Variants in MMP3 observed in about 807,000 individuals in gnomAD.
MMP3 encodes the protein stromelysin-1.
Under a neutral mutation model 47.3 loss-of-function variants are expected in MMP3, and 46 were observed. That is an observed-to-expected ratio of 0.97 (90% CI 0.77 to 1.24). MMP3 has a LOEUF of 1.24. Ranked by LOEUF, MMP3 falls within the 50% of genes most tolerant of loss-of-function variation. The probability of loss-of-function intolerance (pLI) is 0.00; values close to 1 mark genes in which losing one functional copy is unlikely to be tolerated. For missense variants in MMP3, 558 were observed against 565.5 expected, an observed-to-expected ratio of 0.99 and a Z score of 0.13; for synonymous variants, 216 against 206.5, an observed-to-expected ratio of 1.05 and a Z score of -0.39.
Position 102,839,262 on chromosome 11 carries a change from G to T in MMP3, c.936-19C>A, listed in dbSNP as rs368292300. The T allele has an allele frequency of 6.2e-7, 1 of 1,612,656 alleles. No homozygotes were observed. Among genetic ancestry groups the T allele is most frequent in the East Asian group, 2.2e-5 (1 of 44,854 alleles). ...AAAGTGCCTAAAATATATGTAAAAA[G>T]AAATGTAAATTGAAAAACAATCTTT... On this transcript the variant is annotated intron_variant, in intron 6 of 9. Transcript: ENST00000299855.
At position 102,836,145 on chromosome 11, in the gene MMP3, T is replaced by A; in HGVS notation, c.1415A>T (p.Asn472Ile). The change falls in exon 10 of 10, where the codon AAC becomes ATC. Residue 472 changes from asparagine to isoleucine, a missense_variant. Coordinates refer to ENST00000299855, the MANE Select transcript of MMP3 (RefSeq NM_002422.5). The surrounding 1 kb of genome is among the most constrained non-coding windows in gnomAD (Gnocchi z 4.6). ...AKKVTHTLKSNSWLNC is the reference protein window; with the variant it reads ...AKKVTHTLKSISWLNC ...TCTCTTTCAACAATTAAGCCAGCTG[T>A]TACTCTTCAAAGTGTGTGTCACTTT... 6.2e-7 allele frequency: 1 copy of A among 1,613,826 alleles called. No individual in the cohort carries two copies. Among genetic ancestry groups the A allele is most frequent in the Non-Finnish European group, 8.5e-7 (1 of 1,179,722 alleles).
intron 6 of MMP3, 29 bp from the exon 7 acceptor site, chr11:102,839,272 T>G (rs1858949155): frequency 6.2e-7 from 1 of 1,612,006 alleles, no homozygotes. Flanking sequence ...GAAATGTAAA[T>G]TGAAAAACAA....
At chr11:102,838,457 A>G (rs2134398121) in intron 8 of MMP3, 94 bp downstream of exon 8, 7 of 1,325,464 alleles carry the variant, frequency 5.3e-6, no homozygotes, top group Non-Finnish European at 7.3e-6. Flanking sequence ...CTAAGAGAGA[A>G]GCAGGCCTAA....
At chr11:102,842,616 C>T (rs1555005727) in intron 2 of MMP3, 37 bp from the exon 3 acceptor site, 8 of 1,613,328 alleles carry the variant, frequency 5.0e-6, no homozygotes, top group Non-Finnish European at 6.8e-6. Flanking sequence ...CTATTTTCTC[C>T]TATGATATAG....
chr11:102,840,420 G>A lies in MMP3; in HGVS notation c.790+9C>T. The A allele has an allele frequency of 6.2e-7, 1 of 1,611,462 alleles. No individual in the cohort carries two copies. The highest frequency in any genetic ancestry group is 8.5e-7 in the Non-Finnish European group (1 of 1,179,280). On this transcript the variant is annotated intron_variant, in intron 5 of 9. Transcript: ENST00000299855. Reference sequence around the variant, plus strand: ...AACTACAATGGCTGATTTTCCCAGTGTCACTCACCATAGAGGGACTGAATG... The same window carrying A: ...AACTACAATGGCTGATTTTCCCAGTATCACTCACCATAGAGGGACTGAATG...
In MMP3 at chr11:102,840,164, A is replaced by G. The variant is rs782068386; in HGVS notation, c.879T>C (p.Ala293=). The change falls in exon 6 of 10, where the codon GCT becomes GCC. Residue 293 remains alanine (A), a synonymous_variant. Coordinates refer to ENST00000299855, the MANE Select transcript of MMP3 (RefSeq NM_002422.5). ...GAGTGCTGACAGCATCAAAGGACAA[A>G]GCAGGATCACAGTTGGCTGGCGTCC... ...EPGTPANCDP[A]LSFDAVSTLR... The G allele has an allele frequency of 1.2e-6, 2 of 1,614,106 alleles. No homozygotes were observed. Among genetic ancestry groups the G allele is most frequent in the Non-Finnish European group, 1.7e-6 (2 of 1,179,996 alleles).
intron 4 of MMP3, among the ~76,000 whole-genome samples, 195 bp from the exon 5 acceptor site, chr11:102,840,788 T>C (rs1858983825): frequency 6.6e-6 from 1 of 152,178 alleles, no homozygotes; most frequent in African/African-American, 2.4e-5. Flanking sequence ...CTCATACCTG[T>C]AATCAATCTT....
rs1555005238 is a variant in MMP3, at chr11:102,840,253, C to T, written c.791-1G>A. The stretch of plus-strand genomic sequence containing the variant: ...GTCTCAGGGGAGTCAGGGGGAGGTC[C>T]TAAAGGGAACATTAGGGGAAATGTG... On this transcript the variant is annotated splice_acceptor_variant, in intron 5 of 9. Transcript: ENST00000299855. LOFTEE classifies it high-confidence loss of function. 1.2e-6 allele frequency: 2 copies of T among 1,612,158 alleles called. No homozygotes were observed. Among genetic ancestry groups the T allele is most frequent in the Middle Eastern group, 1.7e-4 (1 of 6,040 alleles).
chr11:102,835,963 T>C lies in MMP3; in HGVS notation c.*163A>G. The C allele has an allele frequency of 1.7e-6, 1 of 593,244 alleles. No homozygotes were observed. Among genetic ancestry groups the C allele is most frequent in the South Asian group, 2.3e-5 (1 of 44,232 alleles). 36.7% of individuals were successfully genotyped at this position (593,244 alleles called of 1,614,324 possible). A position where few individuals can be genotyped will look rare whatever the true frequency, so the allele number is the denominator to read the frequency against. ...CCCATTTGAATGCCCTGTAATAACATAAAAATGACCGGCAAGATACAGATT... is the reference window on the plus strand; with the variant it reads ...CCCATTTGAATGCCCTGTAATAACACAAAAATGACCGGCAAGATACAGATT... On this transcript the variant is annotated 3_prime_UTR_variant, in exon 10 of 10. Coordinates refer to ENST00000299855, the MANE Select transcript of MMP3 (RefSeq NM_002422.5).
rs782598544 is a variant in MMP3, at chr11:102,839,215, G to C, written c.964C>G (p.Leu322Val). 6.2e-7 allele frequency: 1 copy of C among 1,613,948 alleles called. No homozygotes were observed. Among genetic ancestry groups the C allele is most frequent in the African/African-American group, 1.3e-5 (1 of 74,936 alleles). Reference sequence around the variant, plus strand: ...GAGATCAAATGCAATTCAGGTTCAAGCTTCCTGAGGGATTTGCGCCAAAAG... The same window carrying C: ...GAGATCAAATGCAATTCAGGTTCAACCTTCCTGAGGGATTTGCGCCAAAAG... Reference protein sequence around the residue: ...RHFWRKSLRKLEPELHLISSF... With the variant: ...RHFWRKSLRKVEPELHLISSF... Residue 322 changes from leucine (L) to valine (V), a missense_variant, in exon 7 of 10, where the codon CTT (leucine) becomes GTT (valine). Leu to Val is a conservative substitution (Grantham distance 32, BLOSUM62 1). Coordinates refer to ENST00000299855, the MANE Select transcript of MMP3 (RefSeq NM_002422.5).
rs781922179 is a variant in MMP3, at chr11:102,837,442, C to T, written c.1230-41G>A. 3.5e-5 allele frequency: 49 copies of T among 1,408,178 alleles called. No homozygotes were observed. Among genetic ancestry groups the T allele is most frequent in the Non-Finnish European group, 4.2e-5 (42 of 1,000,508 alleles). 87.2% of individuals were successfully genotyped at this position (1,408,178 alleles called of 1,614,324 possible). On this transcript the variant is annotated intron_variant, in intron 8 of 9. Transcript: ENST00000299855. The surrounding 1 kb of genome is among the most constrained non-coding windows in gnomAD (Gnocchi z 4.4). ...GAAACAGCTCAGCATTGCATAGAGG[C>T]CATGTTACCGAACATCTTAGATCAT...
At chr11:102,841,401 A>G (rs896505054) in intron 4 of MMP3, among the ~76,000 whole-genome samples, 2 of 152,210 alleles carry the variant, frequency 1.3e-5, no homozygotes, top group African/African-American at 4.8e-5. Context: ...AACTCAACCA[A>G]TCAAGAATTC....
rs202214888 is a variant in MMP3, at chr11:102,838,508, C to T, written c.1229+43G>A. On this transcript the variant is annotated intron_variant, in intron 8 of 9. Transcript: ENST00000299855. ...TTTCCTTAGTAAAAGAAACTAATTT[C>T]CCTAATTAGGCTCCATACAAAGTCA... 1.3e-3 allele frequency: 2,048 copies of T among 1,578,844 alleles called. 6 individuals are homozygous for T. Among genetic ancestry groups the T allele is most frequent in the Non-Finnish European group, 1.5e-3 (1,720 of 1,163,100 alleles).
rs782449038 is a variant in MMP3, at chr11:102,842,254, A to G, written c.525T>C (p.Asp175=). Residue 175 remains aspartate (D), a synonymous_variant, in exon 4 of 10, where the codon GAT becomes GAC. Transcript: ENST00000299855. ...CATGGGCCAAAACATTTCCAGGTCC[A>G]TCAAAAGGGTAAAAGTCTCCATGTT... is the stretch of plus-strand genomic sequence containing the variant. The part of the protein sequence containing the change: ...VREHGDFYPF[D]GPGNVLAHAY... 3.1e-6 allele frequency: 5 copies of G among 1,607,348 alleles called. No individual in the cohort carries two copies. Among genetic ancestry groups the G allele is most frequent in the African/African-American group, 1.3e-5 (1 of 74,366 alleles).
Position 102,837,244 on chromosome 11 carries a change from A to T in MMP3, c.1333+54T>A. The T allele has an allele frequency of 1.5e-6, 2 of 1,353,874 alleles. No homozygotes were observed. Among genetic ancestry groups the T allele is most frequent in the East Asian group, 4.6e-5 (2 of 43,596 alleles). 83.9% of individuals were successfully genotyped at this position (1,353,874 alleles called of 1,614,324 possible). ...AGTTTCAATGCTCCTCTTCCCTCTG[A>T]TATCATAAAATGTTTCAAGTGCTCT... is the stretch of plus-strand genomic sequence containing the variant. On this transcript the variant is annotated intron_variant, in intron 9 of 9. Transcript: ENST00000299855. The surrounding 1 kb of genome is among the most constrained non-coding windows in gnomAD (Gnocchi z 4.4).
intron 5 of MMP3, 73 bp from the exon 6 acceptor site, chr11:102,840,325 C>A: frequency 6.3e-7 from 1 of 1,588,144 alleles, no homozygotes; most frequent in Non-Finnish European, 8.6e-7. Context: ...AACATTCTCA[C>A]GGTGCTTTGA....
Position 102,840,213 on chromosome 11 carries a change from G to A in MMP3, c.830C>T (p.Thr277Met), listed in dbSNP as rs565138607. ...CCCAGGTTCTGGAGGGACAGGTTCC[G>A]TGGGTACCAGGGGGGTCTCAGGGGA... ...PDSPETPLVP[T>M]EPVPPEPGTP... Residue 277 changes from threonine to methionine, a missense_variant, in exon 6 of 10, where the codon ACG (threonine) becomes ATG (methionine). Thr to Met is a moderately conservative substitution (Grantham distance 81). Coordinates refer to ENST00000299855, the MANE Select transcript of MMP3 (RefSeq NM_002422.5). 3.6e-5 allele frequency: 58 copies of A among 1,614,086 alleles called. No homozygotes were observed. Among genetic ancestry groups the A allele is most frequent in the South Asian group, 3.3e-4 (30 of 91,080 alleles).
Position 102,836,085 on chromosome 11 carries a change from T to C in MMP3, c.*41A>G. The C allele has an allele frequency of 7.1e-7, 1 of 1,400,384 alleles. No homozygotes were observed. The highest frequency in any genetic ancestry group is 1.2e-5 in the South Asian group (1 of 84,804). The allele number at this position is 1,400,384 out of a possible 1,614,324, so 86.7% of individuals were successfully genotyped here. A position where few individuals can be genotyped will look rare whatever the true frequency, so the allele number is the denominator to read the frequency against. On this transcript the variant is annotated 3_prime_UTR_variant, in exon 10 of 10. Coordinates refer to ENST00000299855, the MANE Select transcript of MMP3 (RefSeq NM_002422.5). The surrounding 1 kb of genome is among the most constrained non-coding windows in gnomAD (Gnocchi z 4.6). ...GAGACTTAGGTGAAGAATTATTAGC[T>C]TCATTTAAAGTGCCCATATTGTGCC... is the stretch of plus-strand genomic sequence containing the variant.
In MMP3 at chr11:102,836,591, A is replaced by G. The variant is rs1436058160; in HGVS notation, c.1334-365T>C. 6.3e-6 allele frequency: 3 copies of G among 479,120 alleles called. No individual in the cohort carries two copies. The highest frequency in any genetic ancestry group is 1.3e-5 in the Non-Finnish European group (3 of 232,894). 29.7% of individuals were successfully genotyped at this position (479,120 alleles called of 1,614,324 possible). A position where few individuals can be genotyped will look rare whatever the true frequency, so the allele number is the denominator to read the frequency against. ...CTGCTTCCGATCAGATAAATTCTCC[A>G]CTTGCTTGGAAACTCTCATCACCTA... On this transcript the variant is annotated intron_variant, in intron 9 of 9. Transcript: ENST00000299855. This position sits in a 1 kb window ranked among gnomAD's most constrained non-coding sequence, Gnocchi z 4.6.
Sources: gnomAD v4.1 joint callset for allele counts (sites outside exome capture counted in the v4.1 genomes callset) on GRCh38, gnomAD v4.1.1 for gene constraint, Gnocchi (gnomAD v3.1) non-coding constraint, MANE v1.5 for transcripts, NCBI Gene and HGNC (gene_info 2026-07-23, HGNC 2026-07-21) for gene names.